Variants in CFAP107 observed in about 807,000 individuals in gnomAD.
CFAP107 encodes cilia and flagella associated protein 107, also known as cilia- and flagella-associated protein 107.
the CFAP107 span, among the ~76,000 whole-genome samples, chr1:12,760,032 C>T: frequency 6.6e-6 from 1 of 151,744 alleles, no homozygotes; most frequent in African/African-American, 2.4e-5. Context: ...ACAAATTCCT[C>T]CTTGGAAAAG....
At chr1:12,755,827 G>T in the CFAP107 span, 12 of 1,556,648 alleles carry the variant, frequency 7.7e-6, no homozygotes, top group Non-Finnish European at 9.8e-6. Flanking sequence ...AGAGGGAGTG[G>T]CAACTGGGAC....
At chr1:12,762,399 C>T in the CFAP107 span, 1 of 147,932 alleles carries the variant, frequency 6.8e-6, no homozygotes, top group Admixed American at 6.8e-5. Context: ...TTGGCACCTA[C>T]TAAGTTCCTT....
chr1:12,763,255 A>G, the CFAP107 span: 1 of 152,176 alleles, frequency 6.6e-6, no homozygotes, highest in Admixed American at 6.5e-5. Flanking sequence ...ATCGCGTAAA[A>G]AAACCCCATA....
At chr1:12,753,457 C>T in the CFAP107 span, 1 of 151,748 alleles carries the variant, frequency 6.6e-6, no homozygotes, top group Non-Finnish European at 1.5e-5. Context: ...TCACATGTCT[C>T]AGTTTCAAAA....
chr1:12,756,575 C>T, the CFAP107 span, among the ~76,000 whole-genome samples: 1 of 152,214 alleles, frequency 6.6e-6, no homozygotes, highest in African/African-American at 2.4e-5. Flanking sequence ...CCCCACCACA[C>T]TCTGGGAGTT....
the CFAP107 span, among the ~76,000 whole-genome samples, chr1:12,750,280 A>G: frequency 6.6e-6 from 1 of 152,216 alleles, no homozygotes; most frequent in Non-Finnish European, 1.5e-5. Context: ...GCCCTCAAAA[A>G]TTAAACACAA....
chr1:12,754,371 T>C, the CFAP107 span, among the ~76,000 whole-genome samples: 5 of 152,162 alleles, frequency 3.3e-5, no homozygotes, highest in Non-Finnish European at 5.9e-5. Context: ...ACAGAAAATA[T>C]CAAGTGTTGG....
chr1:12,759,740 G>A, the CFAP107 span: 2 of 560,598 alleles, frequency 3.6e-6, no homozygotes, highest in Non-Finnish European at 6.4e-6. Context: ...TTAGAGCACA[G>A]GTGGCAGGGA....
chr1:12,755,856 C>T, the CFAP107 span: 2 of 1,394,256 alleles, frequency 1.4e-6, no homozygotes, highest in African/African-American at 1.4e-5. Context: ...CTGGACCCCA[C>T]CCAAAGCTCA....
chr1:12,756,416 G>T, the CFAP107 span, among the ~76,000 whole-genome samples: 27,062 of 152,112 alleles, frequency 0.18, 2,650 homozygotes, highest in Middle Eastern at 0.24. Flanking sequence ...TATTAACTTG[G>T]TGTGCCAGAG....
chr1:12,750,784 C>T, the CFAP107 span, among the ~76,000 whole-genome samples: 1 of 151,160 alleles, frequency 6.6e-6, no homozygotes, highest in South Asian at 2.1e-4. Flanking sequence ...AATAGTAGAA[C>T]AACCCTATAG....
chr1:12,761,176 G>C, the CFAP107 span: 1 of 513,040 alleles, frequency 1.9e-6, no homozygotes, highest in East Asian at 3.2e-5. Context: ...ACTATTGCAG[G>C]GCTATGTACG....
At chr1:12,755,627 G>A in the CFAP107 span, 1 of 966,614 alleles carries the variant, frequency 1.0e-6, no homozygotes, top group Non-Finnish European at 1.7e-6. Flanking sequence ...GATGGCCCAG[G>A]AGGTAAGGGG....
chr1:12,760,588 G>A, the CFAP107 span, among the ~76,000 whole-genome samples: 1 of 152,206 alleles, frequency 6.6e-6, no homozygotes, highest in Non-Finnish European at 1.5e-5. Context: ...ACCGCCAGGG[G>A]CTGGCTGAAC....
At chr1:12,750,814 C>T in the CFAP107 span, among the ~76,000 whole-genome samples, 1 of 151,080 alleles carries the variant, frequency 6.6e-6, no homozygotes, top group Admixed American at 6.6e-5. Flanking sequence ...ACCTGATAGG[C>T]ACTCCACCCA....
At chr1:12,755,897 GTA>G in the CFAP107 span, 6 of 915,358 alleles carry the variant, frequency 6.6e-6, no homozygotes, top group East Asian at 1.5e-4. Flanking sequence ...TATAGGCTTA[GTA>G]CCGTCTTGGG....
chr1:12,750,203 A>G, the CFAP107 span, among the ~76,000 whole-genome samples: 1 of 152,226 alleles, frequency 6.6e-6, no homozygotes, highest in Non-Finnish European at 1.5e-5. Context: ...TATAATCCCC[A>G]TGGGACCCAC....
chr1:12,746,680 T>C, the CFAP107 span: 2 of 634,058 alleles, frequency 3.2e-6, no homozygotes, highest in Non-Finnish European at 5.8e-6. Flanking sequence ...CTCTGTGCTC[T>C]ACAAAGGATA....
chr1:12,759,841 A>G, the CFAP107 span, among the ~76,000 whole-genome samples: 1 of 152,180 alleles, frequency 6.6e-6, no homozygotes, highest in African/African-American at 2.4e-5. Flanking sequence ...CAATGATAAC[A>G]AACACTGAGG....
Sources: allele counts gnomAD v4.1 joint callset (sites outside exome capture counted in the v4.1 genomes callset), GRCh38; gene constraint gnomAD v4.1.1; transcripts MANE v1.5; gene names NCBI Gene and HGNC (gene_info 2026-07-23, HGNC 2026-07-21).